ATG7: variants seen among roughly 807,000 people sequenced by gnomAD.
ATG7 encodes the protein ubiquitin-like modifier-activating enzyme ATG7.
In ATG7, 70 loss-of-function variants were observed where a neutral mutation model predicts 82.4. The observed-to-expected ratio is 0.85, with a 90% CI of 0.70 to 1.04. ATG7 has a LOEUF of 1.04. Among genes scored for constraint, ATG7 ranks in the 50% least tolerant of loss-of-function variants. The pLI is 0.00. For missense variants in ATG7, 792 were observed against 864.3 expected (o/e 0.92, Z 1.05); for synonymous variants, 287 against 313.0 (o/e 0.92, Z 0.88).
chr3:11,291,744 C>T (rs967588851), intron 3 of ATG7, among the ~76,000 whole-genome samples: 1 of 152,206 alleles, frequency 6.6e-6, no homozygotes, highest in Non-Finnish European at 1.5e-5. Context: ...AAGTGTTCAT[C>T]TGTCACCATT....
At chr3:11,278,180 A>G (rs1466705280) in intron 1 of ATG7, among the ~76,000 whole-genome samples, 2 of 152,196 alleles carry the variant, frequency 1.3e-5, no homozygotes, top group Non-Finnish European at 2.9e-5. Context: ...AGTTAACACA[A>G]TAGTGGTCCT....
chr3:11,420,319 T>G (rs141336500), intron 19 of ATG7, among the ~76,000 whole-genome samples: 1 of 152,230 alleles, frequency 6.6e-6, no homozygotes, highest in African/African-American at 2.4e-5. Context: ...CATTAAACTT[T>G]CTGTACATCC....
At chr3:11,540,693 G>T (rs1051216175) in intron 20 of ATG7, among the ~76,000 whole-genome samples, 2 of 151,796 alleles carry the variant, frequency 1.3e-5, no homozygotes, top group African/African-American at 4.8e-5. Context: ...TCAGATATTG[G>T]TATTGCATAT....
chr3:11,555,191 G>A lies in ATG7; in HGVS notation c.*348G>A, dbSNP rs2072287742. 7.4e-6 allele frequency: 2 copies of A among 270,116 alleles called. No individual in the cohort carries two copies. Among genetic ancestry groups the A allele is most frequent in the East Asian group, 1.5e-4 (2 of 13,610 alleles). The allele number at this position is 270,116 out of a possible 1,614,324, so 16.7% of individuals were successfully genotyped here. ...GGTGACCCAACACAGACCAAATGGG[G>A]AAATGAGCAACCAGCTCCTGCCCAG... On this transcript the variant is annotated 3_prime_UTR_variant, in exon 21 of 21. Transcript: ENST00000693202.
At chr3:11,386,975 C>T (rs914557636) in intron 19 of ATG7, among the ~76,000 whole-genome samples, 3 of 152,264 alleles carry the variant, frequency 2.0e-5, no homozygotes, top group Non-Finnish European at 1.5e-5. Context: ...TCTATTTCCT[C>T]ATCCATACAG....
At chr3:11,394,976 G>A (rs1320790848) in intron 19 of ATG7, among the ~76,000 whole-genome samples, 1 of 152,154 alleles carries the variant, frequency 6.6e-6, no homozygotes, top group Non-Finnish European at 1.5e-5. Flanking sequence ...TCTAGATATT[G>A]TACTTATTAG....
At chr3:11,530,215 T>G (rs1479293814) in intron 20 of ATG7, among the ~76,000 whole-genome samples, 1 of 152,132 alleles carries the variant, frequency 6.6e-6, no homozygotes, top group Non-Finnish European at 1.5e-5. Flanking sequence ...TTTGAACAAT[T>G]AAAGCATTTG....
intron 5 of ATG7, among the ~76,000 whole-genome samples, chr3:11,304,208 G>C (rs1331194694): frequency 3.9e-5 from 6 of 152,212 alleles, no homozygotes; most frequent in Non-Finnish European, 7.3e-5. Context: ...AGGAGTCTTA[G>C]GCACACTCGT....
intron 20 of ATG7, among the ~76,000 whole-genome samples, chr3:11,474,913 T>TG (rs1204774074): frequency 6.6e-6 from 1 of 151,526 alleles, no homozygotes; most frequent in Non-Finnish European, 1.5e-5. Flanking sequence ...AGTGAATTAG[T>TG]GGGGAGTGGT....
rs1366283917 is a variant in ATG7 at position 11,426,789 on chromosome 3, G to A, written c.1957-15G>A. The A allele has an allele frequency of 6.4e-7, 1 of 1,555,360 alleles. No homozygotes were observed. Among genetic ancestry groups the A allele is most frequent in the Middle Eastern group, 1.7e-4 (1 of 5,786 alleles). On this transcript the variant is annotated splice_polypyrimidine_tract_variant and intron_variant, in intron 19 of 20. Coordinates refer to ENST00000693202, the MANE Select transcript of ATG7 (RefSeq NM_001349232.2). ...GTCTGGAGACTCCTTTTTAAAAAAT[G>A]TAAATGTTTTACAGGTTCTTGATCA...
At chr3:11,553,628 C>G (rs1027884596) in intron 20 of ATG7, among the ~76,000 whole-genome samples, 1 of 152,160 alleles carries the variant, frequency 6.6e-6, no homozygotes, top group Non-Finnish European at 1.5e-5. Context: ...GTCACTGGAC[C>G]GCAGACCGGC....
chr3:11,483,651 A>G (rs1305336042), intron 20 of ATG7, among the ~76,000 whole-genome samples: 2 of 152,152 alleles, frequency 1.3e-5, no homozygotes, highest in African/African-American at 4.8e-5. Context: ...ATAGAAGTGG[A>G]GCTTAATCTG....
chr3:11,565,470 C>T, the ATG7 span, among the ~76,000 whole-genome samples: 1 of 152,168 alleles, frequency 6.6e-6, no homozygotes, highest in East Asian at 1.9e-4. This position sits in a 1 kb window ranked among gnomAD's most constrained non-coding sequence, Gnocchi z 4.1. Flanking sequence ...GCCCATCTTC[C>T]TCACAGTACT....
At chr3:11,317,805 C>T (rs1294045445) in intron 9 of ATG7, among the ~76,000 whole-genome samples, 2 of 152,026 alleles carry the variant, frequency 1.3e-5, no homozygotes, top group Non-Finnish European at 2.9e-5. Flanking sequence ...ATTGGCCAGG[C>T]TAGTCTCAAA....
At chr3:11,323,412 A>G (rs1950464412) in intron 9 of ATG7, among the ~76,000 whole-genome samples, 1 of 152,324 alleles carries the variant, frequency 6.6e-6, no homozygotes, top group South Asian at 2.1e-4. Context: ...CCAGGATCAG[A>G]TGTTGTAGTA....
intron 20 of ATG7, among the ~76,000 whole-genome samples, chr3:11,435,138 T>C (rs2083258160): frequency 6.6e-6 from 1 of 152,180 alleles, no homozygotes; most frequent in Non-Finnish European, 1.5e-5. Flanking sequence ...TATATCAAAG[T>C]ACTTACTTTT....
chr3:11,348,341 G>T, intron 14 of ATG7: 1 of 281,968 alleles, frequency 3.5e-6, no homozygotes, highest in South Asian at 4.8e-5. Context: ...AGCTCTTAAA[G>T]ATGATGTGTC....
chr3:11,564,786 C>G, the ATG7 span: 12 of 1,539,556 alleles, frequency 7.8e-6, no homozygotes, highest in East Asian at 2.7e-4. Context: ...CCCTCCCAGA[C>G]AGAGGCCCAC....
intron 7 of ATG7, among the ~76,000 whole-genome samples, chr3:11,312,470 A>G (rs1242706848): frequency 6.6e-6 from 1 of 152,210 alleles, no homozygotes; most frequent in Non-Finnish European, 1.5e-5. Context: ...GATCGGTCAG[A>G]TATACCCGTG....
Sources: gnomAD v4.1 joint callset for allele counts (sites outside exome capture counted in the v4.1 genomes callset) on GRCh38, gnomAD v4.1.1 for gene constraint, Gnocchi (gnomAD v3.1) non-coding constraint, MANE v1.5 for transcripts, NCBI Gene and HGNC (gene_info 2026-07-23, HGNC 2026-07-21) for gene names.